ARHGAP35: variants seen among roughly 807,000 people sequenced by gnomAD.
ARHGAP35 encodes the protein rho GTPase-activating protein 35.
ARHGAP35 carries 15 observed loss-of-function variants against 111.1 expected under a neutral mutation model. The ratio of observed to expected loss-of-function variants is 0.13; its 90% CI spans 0.09 to 0.21. The LOEUF (loss-of-function observed/expected upper bound fraction) is 0.21, where lower values mean the gene tolerates loss of function less well. Ranked by LOEUF, ARHGAP35 falls within the 10% of genes least tolerant of loss-of-function variation. ARHGAP35 has a pLI of 1.00. For synonymous variants in ARHGAP35, 643 were observed against 710.3 expected (o/e 0.91, Z 1.51); for missense variants, 1,262 against 1,873.0 (o/e 0.67, Z 6.02).
At chr19:46,973,073 T>A (rs2056559862) in intron 3 of ARHGAP35, among the ~76,000 whole-genome samples, 1 of 152,150 alleles carries the variant, frequency 6.6e-6, no homozygotes, top group Non-Finnish European at 1.5e-5. Context: ...TTTAAAAAAA[T>A]TGAGACAGGT....
chr19:46,963,764 C>G (rs973036100), intron 3 of ARHGAP35, among the ~76,000 whole-genome samples: 1 of 152,208 alleles, frequency 6.6e-6, no homozygotes, highest in African/African-American at 2.4e-5. Flanking sequence ...GTGTCCTCCA[C>G]GTAGTATGCT....
At position 46,973,318 on chromosome 19, in the gene ARHGAP35, C is replaced by T. The variant is rs1485464718; in HGVS notation, c.3827-14671C>T. Among the ~76,000 whole-genome samples, 12 of 151,872 alleles carry T rather than the reference C, an allele frequency of 7.9e-5. No homozygotes were observed. The South Asian group carries it at 8.3e-4, about 11-fold the overall frequency. ...GGCGGAGGTTGCAGTGAGTCGAGAT[C>T]GTGCCGCTGCACTCCAGCCTGGATG... On this transcript the variant is annotated intron_variant, in intron 3 of 6. Coordinates refer to ENST00000672722, the MANE Select transcript of ARHGAP35 (RefSeq NM_004491.5).
intron 1 of ARHGAP35, among the ~76,000 whole-genome samples, chr19:46,906,606 G>C (rs1246435526): frequency 6.6e-6 from 1 of 152,200 alleles, no homozygotes; most frequent in Non-Finnish European, 1.5e-5. Flanking sequence ...TCCAGAAATA[G>C]AACAGAAGCT....
chr19:46,921,868 G>A lies in ARHGAP35; in HGVS notation c.3193G>A (p.Asp1065Asn). 6.2e-7 allele frequency: 1 copy of A among 1,614,012 alleles called. No individual in the cohort carries two copies. The highest frequency in any genetic ancestry group is 1.1e-5 in the South Asian group (1 of 91,084). The change falls in exon 2 of 7, where the codon GAT (aspartate) becomes AAT (asparagine). Residue 1065 changes from aspartate (D) to asparagine (N), a missense_variant. By Grantham distance (23) the Asp-to-Asn change is conservative. This residue lies in a region of ARHGAP35 where 579 missense variants were observed against 716.9 expected (regional missense o/e 0.81). Transcript: ENST00000672722. This position sits in a 1 kb window ranked among gnomAD's most constrained non-coding sequence, Gnocchi z 4.3. ...DLSYLDQGHR[D>N]GQRKSVSSSP... ...ATCTTATTTAGACCAAGGCCATAGG[G>A]ATGGACAGAGGAAGTCTGTGTCTTC...
chr19:46,989,117 A>G lies in ARHGAP35; in HGVS notation c.3905-427A>G. 5.7e-6 allele frequency: 1 copy of G among 175,052 alleles called. No individual in the cohort carries two copies. The highest frequency in any genetic ancestry group is 1.2e-5 in the Non-Finnish European group (1 of 80,294). The allele number at this position is 175,052 out of a possible 1,614,324, so 10.8% of individuals were successfully genotyped here. ...ATTTGCCCTCCCACCATAGGGGACAAGGATGGAGGCAGCAGTCACAGTGGT... is the reference window on the plus strand; with the variant it reads ...ATTTGCCCTCCCACCATAGGGGACAGGGATGGAGGCAGCAGTCACAGTGGT... On this transcript the variant is annotated intron_variant, in intron 4 of 6. Coordinates refer to ENST00000672722, the MANE Select transcript of ARHGAP35 (RefSeq NM_004491.5). The surrounding 1 kb of genome is among the most constrained non-coding windows in gnomAD (Gnocchi z 5.3).
chr19:46,972,882 T>G (rs1304447148), intron 3 of ARHGAP35, among the ~76,000 whole-genome samples: 1 of 152,154 alleles, frequency 6.6e-6, no homozygotes, highest in Non-Finnish European at 1.5e-5. Flanking sequence ...CTTCCTTTAC[T>G]GGAGTGAATT....
intron 1 of ARHGAP35, among the ~76,000 whole-genome samples, chr19:46,915,508 A>G (rs530617881): frequency 1.3e-5 from 2 of 152,296 alleles, no homozygotes; most frequent in Admixed American, 6.5e-5. Context: ...ACAGGGGACA[A>G]TTGCACTCTC....
chr19:46,936,928 C>G (rs1019409478), intron 2 of ARHGAP35, among the ~76,000 whole-genome samples: 2 of 151,618 alleles, frequency 1.3e-5, no homozygotes, highest in African/African-American at 4.9e-5. Context: ...CAATCTCCAC[C>G]TCCTGGGTTC....
Position 46,992,306 on chromosome 19 carries a change from G to C in ARHGAP35, c.4036+2631G>C, listed in dbSNP as rs2056683467. Among the ~76,000 whole-genome samples, 1 of 152,172 alleles carries C rather than the reference G, an allele frequency of 6.6e-6. No homozygotes were observed. The highest frequency in any genetic ancestry group is 1.9e-4 in the East Asian group (1 of 5,190). ...ACACCGCTAGGGAGTGGCAAGCCGG[G>C]GCTTGAGTCCCTGCGTACGTGGGTG... On this transcript the variant is annotated intron_variant, in intron 5 of 6. Transcript: ENST00000672722. The surrounding 1 kb of genome is among the most constrained non-coding windows in gnomAD (Gnocchi z 4.4).
chr19:46,879,371 G>A (rs746897335), intron 1 of ARHGAP35, among the ~76,000 whole-genome samples: 29 of 151,936 alleles, frequency 1.9e-4, no homozygotes, highest in African/African-American at 2.7e-4. Context: ...GGCAGATCAC[G>A]AGTTCAGGAG....
chr19:46,937,223 C>G (rs1008474823), intron 2 of ARHGAP35, 41 bp from the exon 3 acceptor site: 3 of 1,611,162 alleles, frequency 1.9e-6, no homozygotes, highest in Non-Finnish European at 2.5e-6. Flanking sequence ...CATGTTGATA[C>G]TCACTTTGTT....
rs1331157150 is a variant in ARHGAP35, at chr19:46,986,830, T to C, written c.3827-1159T>C. ...CATACTTGTGAGTTAATTTTATTTA[T>C]TTATTTATTTATTTTCAGACAGAGT... On this transcript the variant is annotated intron_variant, in intron 3 of 6. Transcript: ENST00000672722. The surrounding 1 kb of genome is among the most constrained non-coding windows in gnomAD (Gnocchi z 4.3). Among the ~76,000 whole-genome samples the C allele has an allele frequency of 6.6e-6, 1 of 152,198 alleles. No individual in the cohort carries two copies. The highest frequency in any genetic ancestry group is 2.4e-5 in the African/African-American group (1 of 41,426).
intron 1 of ARHGAP35, among the ~76,000 whole-genome samples, chr19:46,907,963 A>G (rs910339540): frequency 5.9e-5 from 9 of 152,226 alleles, no homozygotes; most frequent in Non-Finnish European, 1.3e-4. Context: ...ATGAGCTGAA[A>G]TCCTCATGTC....
intron 1 of ARHGAP35, among the ~76,000 whole-genome samples, chr19:46,883,948 G>A (rs558830908): frequency 5.9e-5 from 9 of 152,142 alleles, no homozygotes; most frequent in African/African-American, 1.4e-4. Flanking sequence ...CTACCTACTC[G>A]GGAGGCTGAG....
Position 46,980,013 on chromosome 19 carries a change from C to T in ARHGAP35, c.3827-7976C>T, listed in dbSNP as rs140449632. ...ATAGTAGCGCTTCTGCGGAGAGACA[C>T]AGCGAGGAAACCTTCTCTATGGAGA... On this transcript the variant is annotated intron_variant, in intron 3 of 6. Coordinates refer to ENST00000672722, the MANE Select transcript of ARHGAP35 (RefSeq NM_004491.5). Among the ~76,000 whole-genome samples, 304 of 152,284 alleles carry T rather than the reference C, an allele frequency of 2.0e-3. 1 individual carries two copies. The highest frequency in any genetic ancestry group is 3.5e-3 in the Non-Finnish European group (241 of 68,026).
intron 1 of ARHGAP35, among the ~76,000 whole-genome samples, chr19:46,889,276 C>T (rs185311093): frequency 2.9e-4 from 44 of 152,042 alleles, no homozygotes; most frequent in African/African-American, 1.0e-3. Flanking sequence ...CCATCCTGGC[C>T]GACATGGTGA....
At chr19:46,876,124 G>C (rs1372971726) in intron 1 of ARHGAP35, among the ~76,000 whole-genome samples, 1 of 152,050 alleles carries the variant, frequency 6.6e-6, no homozygotes, top group Non-Finnish European at 1.5e-5. Context: ...TTTACTCATA[G>C]GGTAACTGTG....
rs74579218 is a variant in ARHGAP35, at chr19:46,961,274, T to C, written c.3826+23866T>C. ...TTTTGTTAATATAGATAATACTGCA[T>C]TGGCTATCTATACATGTGTAGACAC... On this transcript the variant is annotated intron_variant, in intron 3 of 6. Coordinates refer to ENST00000672722, the MANE Select transcript of ARHGAP35 (RefSeq NM_004491.5). Among the ~76,000 whole-genome samples, 117 of 152,316 alleles carry C rather than the reference T, an allele frequency of 7.7e-4. 3 individuals carry two copies. In the East Asian group the frequency reaches 0.022, roughly 29 times the overall value.
At chr19:46,932,488 G>A (rs76683966) in intron 2 of ARHGAP35, among the ~76,000 whole-genome samples, 1 of 152,206 alleles carries the variant, frequency 6.6e-6, no homozygotes, top group African/African-American at 2.4e-5. Flanking sequence ...AGTGACACAC[G>A]TCTGACTGGG....
Sources: allele counts gnomAD v4.1 joint callset (sites outside exome capture counted in the v4.1 genomes callset), GRCh38; gene constraint gnomAD v4.1.1; regional missense constraint gnomAD v4.1.1; non-coding constraint Gnocchi (gnomAD v3.1); transcripts MANE v1.5; gene names NCBI Gene and HGNC (gene_info 2026-07-23, HGNC 2026-07-21).